The following ADCY1 variants were observed in gnomAD, a reference collection of about 807,000 sequenced individuals.
The protein encoded by ADCY1 is adenylate cyclase 1, also known as adenylate cyclase type 1.
A neutral mutation model predicts 105.4 loss-of-function variants in ADCY1; 28 were observed. That is an observed-to-expected ratio of 0.27 (90% CI 0.20 to 0.36). The LOEUF is 0.36. Among genes scored for constraint, ADCY1 ranks in the 10% least tolerant of loss-of-function variants. The probability of loss-of-function intolerance (pLI) is 1.00; values close to 1 mark genes in which losing one functional copy is unlikely to be tolerated. For missense variants in ADCY1, 977 were observed against 1,434.2 expected, an observed-to-expected ratio of 0.68 and a Z score of 5.15; for synonymous variants, 655 against 623.8, an observed-to-expected ratio of 1.05 and a Z score of -0.75.
At chr7:45,683,847 A>G (rs190061657) in intron 11 of ADCY1, among the ~76,000 whole-genome samples, 37 of 152,336 alleles carry the variant, frequency 2.4e-4, no homozygotes, top group African/African-American at 8.9e-4. Context: ...CCTGCAAAAG[A>G]TGGCAGGATC....
chr7:45,585,150 C>G (rs1243122676), intron 1 of ADCY1, among the ~76,000 whole-genome samples: 1 of 152,242 alleles, frequency 6.6e-6, no homozygotes, highest in African/African-American at 2.4e-5. Context: ...AATGCATTGC[C>G]TTTCTGAAAC....
chr7:45,658,744 G>A (rs1795010031), intron 6 of ADCY1, among the ~76,000 whole-genome samples: 1 of 152,270 alleles, frequency 6.6e-6, no homozygotes, highest in Non-Finnish European at 1.5e-5. Context: ...GGAGACTGTG[G>A]TGACTGGAAG....
intron 2 of ADCY1, among the ~76,000 whole-genome samples, chr7:45,601,251 C>G (rs554205192): frequency 9.9e-5 from 15 of 152,206 alleles, no homozygotes; most frequent in East Asian, 5.8e-4. Context: ...TCCCTTCCCC[C>G]CCTGCTCTTA....
chr7:45,605,040 G>A (rs1029853504), intron 2 of ADCY1, among the ~76,000 whole-genome samples: 5 of 152,072 alleles, frequency 3.3e-5, no homozygotes, highest in Admixed American at 1.3e-4. Context: ...TCCTATACAT[G>A]TTTTGTTAGA....
chr7:45,648,174 G>A (rs1222268874), intron 4 of ADCY1, among the ~76,000 whole-genome samples: 1 of 152,232 alleles, frequency 6.6e-6, no homozygotes, highest in Non-Finnish European at 1.5e-5. Flanking sequence ...CTGTGGGTGG[G>A]GAGGTCAGAA....
intron 5 of ADCY1, among the ~76,000 whole-genome samples, chr7:45,650,364 G>T (rs1794778764): frequency 6.6e-6 from 1 of 152,070 alleles, no homozygotes; most frequent in Non-Finnish European, 1.5e-5. Context: ...TATGCTATTT[G>T]TGTGTATATA....
rs960351628 is a variant in ADCY1 at position 45,685,953 on chromosome 7, C to T, written c.2074-9C>T. ...CTTTGCTAAGCCCCTGTGACCCCTC[C>T]CTTCCCAGGTGGGCTGCCTGCCTTG... On this transcript the variant is annotated splice_polypyrimidine_tract_variant and intron_variant, in intron 12 of 19. Transcript: ENST00000297323. 1 of 1,609,642 alleles carries T rather than the reference C, an allele frequency of 6.2e-7. No individual in the cohort carries two copies. Among genetic ancestry groups the T allele is most frequent in the South Asian group, 1.1e-5 (1 of 90,550 alleles).
intron 11 of ADCY1, among the ~76,000 whole-genome samples, chr7:45,681,006 G>A (rs558056604): frequency 6.6e-6 from 1 of 152,364 alleles, no homozygotes; most frequent in African/African-American, 2.4e-5. Context: ...GTGACTCCAC[G>A]AGAGCCTCCC....
chr7:45,581,658 AACCCCCTTGTGGAGTTCACACG>A (rs1321788705), intron 1 of ADCY1, among the ~76,000 whole-genome samples: 2 of 152,140 alleles, frequency 1.3e-5, no homozygotes, highest in African/African-American at 2.4e-5. Context: ...ATGTCCACAT[AACCCCCTTGTGGAGTTCACACG>A]ACCACAGGCT....
At chr7:45,684,177 C>G (rs931746702) in intron 11 of ADCY1, among the ~76,000 whole-genome samples, 3 of 152,240 alleles carry the variant, frequency 2.0e-5, no homozygotes, top group Non-Finnish European at 4.4e-5. Flanking sequence ...ACTTGGGAAA[C>G]CTAGAACTGG....
chr7:45,589,755 C>T (rs191222287), intron 1 of ADCY1, among the ~76,000 whole-genome samples: 19 of 151,940 alleles, frequency 1.3e-4, no homozygotes, highest in African/African-American at 4.6e-4. Context: ...AGTGTCCTTT[C>T]TGCAGCAGTC....
Position 45,708,347 on chromosome 7 carries a change from T to A in ADCY1, c.2818-3T>A. On this transcript the variant is annotated splice_polypyrimidine_tract_variant and splice_region_variant and intron_variant, in intron 17 of 19. Transcript: ENST00000297323. The surrounding 1 kb of genome is among the most constrained non-coding windows in gnomAD (Gnocchi z 4.7). ...TGTAATGACCCCATCTGTTTACACC[T>A]AGGCTAAGAAGTCCATCTCCTCCCA... The A allele has an allele frequency of 1.2e-6, 2 of 1,612,380 alleles. No homozygotes were observed. Among genetic ancestry groups the A allele is most frequent in the Non-Finnish European group, 8.5e-7 (1 of 1,178,382 alleles).
In ADCY1 at chr7:45,721,632, A is replaced by G. The variant is rs1671123430; in HGVS notation, c.*7637A>G. 2.5e-6 allele frequency: 1 copy of G among 398,424 alleles called. No individual in the cohort carries two copies. 24.7% of individuals were successfully genotyped at this position (398,424 alleles called of 1,614,324 possible). A position where few individuals can be genotyped will look rare whatever the true frequency, so the allele number is the denominator to read the frequency against. ...TTACTTTCATCTTCCTCTGCTGTAG[A>G]GCCATTTAATGTTATTGTCATATGC... On this transcript the variant is annotated 3_prime_UTR_variant, in exon 20 of 20. Coordinates refer to ENST00000297323, the MANE Select transcript of ADCY1 (RefSeq NM_021116.4).
At chr7:45,700,861 C>G (rs946327091) in intron 14 of ADCY1, among the ~76,000 whole-genome samples, 2 of 152,162 alleles carry the variant, frequency 1.3e-5, no homozygotes, top group Admixed American at 1.3e-4. Flanking sequence ...GTGGGGGTCA[C>G]TCATAGCACA....
chr7:45,657,903 TGGGGA>T lies in ADCY1; in HGVS notation c.1307+27_1307+31del. 9.1e-5 allele frequency: 22 copies of T among 242,700 alleles called. No individual in the cohort carries two copies. Among genetic ancestry groups the T allele is most frequent in the Non-Finnish European group, 1.7e-4 (21 of 124,822 alleles). The allele number at this position is 242,700 out of a possible 1,614,324, so 15.0% of individuals were successfully genotyped here. A position where few individuals can be genotyped will look rare whatever the true frequency, so the allele number is the denominator to read the frequency against. ...CTGCCAGGGTAAGTCGGGGATGGGG[TGGGGA>T]GGGGAGGGAGGTGGGTGATGGCTGT... On this transcript the variant is annotated intron_variant, in intron 6 of 19. Transcript: ENST00000297323.
chr7:45,659,988 A>C, intron 6 of ADCY1, 54 bp from the exon 7 acceptor site: 1 of 1,607,508 alleles, frequency 6.2e-7, no homozygotes. Context: ...GGCCCTGCAG[A>C]CTCTGACAGC....
At position 45,722,219 on chromosome 7, in the gene ADCY1, GGA is replaced by G. The variant is rs770468884; in HGVS notation, c.*8229_*8230del. On this transcript the variant is annotated 3_prime_UTR_variant, in exon 20 of 20. Transcript: ENST00000297323. ...TCCACTAGGAGGCACGCCCAGTGTGGGAGAGATGTATGGTCTTGCCTTCCACC... is the reference window on the plus strand; with the variant it reads ...TCCACTAGGAGGCACGCCCAGTGTGGGAGATGTATGGTCTTGCCTTCCACC... The G allele has an allele frequency of 2.5e-5, 5 of 196,922 alleles. No homozygotes were observed. The highest frequency in any genetic ancestry group is 5.1e-5 in the Non-Finnish European group (5 of 97,654). The allele number at this position is 196,922 out of a possible 1,614,324, so 12.2% of individuals were successfully genotyped here. A position where few individuals can be genotyped will look rare whatever the true frequency, so the allele number is the denominator to read the frequency against.
At chr7:45,605,223 A>G (rs1052914825) in intron 2 of ADCY1, among the ~76,000 whole-genome samples, 3 of 151,746 alleles carry the variant, frequency 2.0e-5, no homozygotes, top group Non-Finnish European at 4.4e-5. Context: ...TTTTGGTACA[A>G]TTTTCTTTTG....
At chr7:45,621,512 G>A (rs1040411019) in intron 3 of ADCY1, among the ~76,000 whole-genome samples, 2 of 152,196 alleles carry the variant, frequency 1.3e-5, no homozygotes, top group Non-Finnish European at 2.9e-5. Context: ...CAATCACTGA[G>A]CTCTTACTAG....
Sources: gnomAD v4.1 joint callset for allele counts (sites outside exome capture counted in the v4.1 genomes callset) on GRCh38, gnomAD v4.1.1 for gene constraint, Gnocchi (gnomAD v3.1) non-coding constraint, MANE v1.5 for transcripts, NCBI Gene and HGNC (gene_info 2026-07-23, HGNC 2026-07-21) for gene names.